The following MSRA variants were observed in gnomAD, a reference collection of about 807,000 sequenced individuals.
MSRA encodes methionine sulfoxide reductase A, also known as mitochondrial peptide methionine sulfoxide reductase.
MSRA carries 54 observed loss-of-function variants against 31.3 expected under a neutral mutation model. That is an observed-to-expected ratio of 1.73 (90% CI 1.39 to 2.17). The LOEUF (loss-of-function observed/expected upper bound fraction) is 2.17, where lower values mean the gene tolerates loss of function less well. Ranked by LOEUF, MSRA falls within the 30% of genes most tolerant of loss-of-function variation. The pLI, the probability that MSRA is intolerant of heterozygous loss-of-function variation, is 0.00. For missense variants in MSRA, 507 were observed against 300.9 expected, an observed-to-expected ratio of 1.69 and a Z score of -5.07; for synonymous variants, 169 against 116.5, an observed-to-expected ratio of 1.45 and a Z score of -2.90.
intron 1 of MSRA, among the ~76,000 whole-genome samples, chr8:10,112,276 C>T (rs1171522564): frequency 6.6e-6 from 1 of 152,116 alleles, no homozygotes; most frequent in East Asian, 1.9e-4. Flanking sequence ...AGAGACTGAC[C>T]ATCTTGATAG....
intron 1 of MSRA, among the ~76,000 whole-genome samples, chr8:10,149,472 C>A (rs890154404): frequency 6.6e-6 from 1 of 152,222 alleles, no homozygotes; most frequent in South Asian, 2.1e-4. Flanking sequence ...CTGCCCAGGC[C>A]CCTCCAGGGC....
At chr8:10,108,806 AT>A (rs11450322) in intron 1 of MSRA, among the ~76,000 whole-genome samples, 110 of 148,830 alleles carry the variant, frequency 7.4e-4, no homozygotes, top group Middle Eastern at 3.5e-3. Context: ...TTGTTGGGAA[AT>A]TTTTTTTTTT....
At chr8:10,348,390 G>GTCTTGC (rs1803921172) in intron 5 of MSRA, among the ~76,000 whole-genome samples, 1 of 85,226 alleles carries the variant, frequency 1.2e-5, no homozygotes, top group South Asian at 4.2e-4. Context: ...TTTGGACAGA[G>GTCTTGC]TCTTGCTCTT....
intron 1 of MSRA, among the ~76,000 whole-genome samples, chr8:10,139,551 GTT>G (rs1374427102): frequency 1.1e-4 from 16 of 152,186 alleles, no homozygotes; most frequent in Non-Finnish European, 2.1e-4. Context: ...CCCGATATCT[GTT>G]TTTACACTCT....
At chr8:10,270,686 G>T (rs1262114257) in intron 3 of MSRA, among the ~76,000 whole-genome samples, 4 of 152,178 alleles carry the variant, frequency 2.6e-5, no homozygotes, top group Admixed American at 6.5e-5. Context: ...TGTACCTGAG[G>T]TTCTGTGATT....
At chr8:10,257,862 A>G (rs577915675) in intron 3 of MSRA, among the ~76,000 whole-genome samples, 1 of 152,186 alleles carries the variant, frequency 6.6e-6, no homozygotes, top group Admixed American at 6.5e-5. Flanking sequence ...GATGGGACTG[A>G]TGTCTCCAGC....
intron 1 of MSRA, among the ~76,000 whole-genome samples, chr8:10,172,007 A>G (rs776044124): frequency 6.6e-6 from 1 of 152,222 alleles, no homozygotes; most frequent in Admixed American, 6.5e-5. Flanking sequence ...TATATAGGTA[A>G]TATCCCATAT....
intron 5 of MSRA, among the ~76,000 whole-genome samples, chr8:10,426,181 A>T (rs902670092): frequency 2.0e-5 from 3 of 152,144 alleles, no homozygotes; most frequent in African/African-American, 2.4e-5. Context: ...TAGTTAGCCA[A>T]CCCCACGTGC....
chr8:10,414,787 TG>T (rs1261480041), intron 5 of MSRA, among the ~76,000 whole-genome samples: 3 of 152,236 alleles, frequency 2.0e-5, no homozygotes, highest in Non-Finnish European at 4.4e-5. Context: ...AAGTGAAAAG[TG>T]GTTTTCTTTG....
Position 10,183,308 on chromosome 8 carries a change from G to A in MSRA, c.143-24525G>A, listed in dbSNP as rs536460368. 2.1e-4 allele frequency among the ~76,000 whole-genome samples: 32 copies of A among 152,292 alleles called. 1 individual carries two copies. Among genetic ancestry groups the A allele is most frequent in the African/African-American group, 6.3e-4 (26 of 41,574 alleles). On this transcript the variant is annotated intron_variant, in intron 1 of 5. Transcript: ENST00000317173. ...GACCAAGGCTGTGTGAGAACCAACC[G>A]AAGACAGACCTGCAATGTGTCATCT...
rs1280564581 is a variant in MSRA at position 10,054,438 on chromosome 8, C to T, written c.-79C>T. 1 of 1,413,236 alleles carries T rather than the reference C, an allele frequency of 7.1e-7. No homozygotes were observed. The highest frequency in any genetic ancestry group is 9.3e-7 in the Non-Finnish European group (1 of 1,070,182). 87.5% of individuals were successfully genotyped at this position (1,413,236 alleles called of 1,614,324 possible). A position where few individuals can be genotyped will look rare whatever the true frequency, so the allele number is the denominator to read the frequency against. ...CGCCCCCCGGTTCCGGCCGCGGACC[C>T]CACTCTCTGCCGTTCCGGCTGCGGC... On this transcript the variant is annotated 5_prime_UTR_variant, in exon 1 of 6. Coordinates refer to ENST00000317173, the MANE Select transcript of MSRA (RefSeq NM_012331.5).
rs185468389 is a variant in MSRA at position 10,065,944 on chromosome 8, C to T, written c.142+11286C>T. Among the ~76,000 whole-genome samples the T allele has an allele frequency of 2.1e-3, 312 of 151,304 alleles. 1 individual carries two copies. Among genetic ancestry groups the T allele is most frequent in the Admixed American group, 3.2e-3 (49 of 15,182 alleles). On this transcript the variant is annotated intron_variant, in intron 1 of 5. Coordinates refer to ENST00000317173, the MANE Select transcript of MSRA (RefSeq NM_012331.5). Reference sequence around the variant, plus strand: ...CCTGTGCTGAGATAGCTCCTCCTGGCTTCAGGGCCTTTATGGCTGAAACTT... The same window carrying T: ...CCTGTGCTGAGATAGCTCCTCCTGGTTTCAGGGCCTTTATGGCTGAAACTT...
At chr8:10,129,852 A>ATAG (rs10674707) in intron 1 of MSRA, among the ~76,000 whole-genome samples, 135,459 of 151,966 alleles carry the variant, frequency 0.89, 60,517 homozygotes, top group East Asian at 0.96. Flanking sequence ...CATTCAGCAA[A>ATAG]TAGTTCCATT....
At chr8:10,206,781 C>T (rs1693381842) in intron 1 of MSRA, among the ~76,000 whole-genome samples, 2 of 152,238 alleles carry the variant, frequency 1.3e-5, no homozygotes, top group African/African-American at 4.8e-5. Context: ...CAGAACCCTC[C>T]GTCCACATGG....
rs572591443 is a variant in MSRA at position 10,343,020 on chromosome 8, T to TACACAC, written c.543+23059_543+23064dup. On this transcript the variant is annotated intron_variant, in intron 5 of 5. Coordinates refer to ENST00000317173, the MANE Select transcript of MSRA (RefSeq NM_012331.5). ...AGGAACTGGCATCTTGCATAAGCAT[T>TACACAC]ACACACACACACACACACACACACA... is the stretch of plus-strand genomic sequence containing the variant. Among the ~76,000 whole-genome samples, 108 of 132,730 alleles carry TACACAC rather than the reference T, an allele frequency of 8.1e-4. 1 individual carries two copies. The highest frequency in any genetic ancestry group is 2.3e-3 in the African/African-American group (83 of 35,796). 87.1% of individuals were successfully genotyped at this position (132,730 alleles called of 152,430 possible).
At chr8:10,270,241 A>C (rs1448819227) in intron 3 of MSRA, among the ~76,000 whole-genome samples, 1 of 152,216 alleles carries the variant, frequency 6.6e-6, no homozygotes, top group Non-Finnish European at 1.5e-5. Context: ...GTTACAAATA[A>C]TAAAATAAAG....
intron 5 of MSRA, among the ~76,000 whole-genome samples, chr8:10,413,097 C>T (rs547366193): frequency 1.3e-5 from 2 of 152,314 alleles, no homozygotes; most frequent in Admixed American, 1.3e-4. Context: ...GAAATGGAAA[C>T]ACCACACTGA....
intron 1 of MSRA, among the ~76,000 whole-genome samples, 175 bp downstream of exon 1, chr8:10,054,833 G>T (rs1215972786): frequency 6.6e-6 from 1 of 152,200 alleles, no homozygotes; most frequent in Non-Finnish European, 1.5e-5. Context: ...AGACGCTGGG[G>T]TCCACTGACG....
intron 3 of MSRA, among the ~76,000 whole-genome samples, chr8:10,292,403 A>C (rs1800287693): frequency 6.6e-6 from 1 of 152,246 alleles, no homozygotes; most frequent in Non-Finnish European, 1.5e-5. Context: ...AGCACTGAGC[A>C]CTCACAGGTT....
Sources: gnomAD v4.1 joint callset for allele counts (sites outside exome capture counted in the v4.1 genomes callset) on GRCh38, gnomAD v4.1.1 for gene constraint, MANE v1.5 for transcripts, NCBI Gene and HGNC (gene_info 2026-07-23, HGNC 2026-07-21) for gene names.